ST8SIA4: variants seen among roughly 807,000 people sequenced by gnomAD.
ST8SIA4 encodes the protein CMP-N-acetylneuraminate-poly-alpha-2,8-sialyltransferase.
Under a neutral mutation model 33.9 loss-of-function variants are expected in ST8SIA4, and 15 were observed. That is an observed-to-expected ratio of 0.44 (90% CI 0.30 to 0.68). The LOEUF (loss-of-function observed/expected upper bound fraction) is 0.68, where lower values mean the gene tolerates loss of function less well. Ranked by LOEUF, ST8SIA4 falls within the 30% of genes least tolerant of loss-of-function variation. The pLI, the probability that ST8SIA4 is intolerant of heterozygous loss-of-function variation, is 0.10. For synonymous variants in ST8SIA4, 171 were observed against 151.2 expected, an observed-to-expected ratio of 1.13 and a Z score of -0.96; for missense variants, 321 against 428.0, an observed-to-expected ratio of 0.75 and a Z score of 2.21.
At chr5:100,826,125 C>T (rs1751138244) in intron 4 of ST8SIA4, among the ~76,000 whole-genome samples, 3 of 7,216 alleles carry the variant, frequency 4.2e-4, no homozygotes, top group African/African-American at 6.3e-4. Context: ...TTTGGAGCAA[C>T]TTAATTTTTT....
chr5:100,900,218 T>G, intron 1 of ST8SIA4: 1 of 344,396 alleles, frequency 2.9e-6, no homozygotes. Context: ...GGGGTAGTGA[T>G]GCAAGATTCA....
rs1411101414 is a variant in ST8SIA4, at chr5:100,809,461, A to AAAAG, written c.*2385_*2386insCTTT. The AAAAG allele has an allele frequency of 2.6e-5, 4 of 151,826 alleles. No individual in the cohort carries two copies. The highest frequency in any genetic ancestry group is 4.8e-5 in the African/African-American group (2 of 41,332). The allele number at this position is 151,826 out of a possible 1,614,324, so 9.4% of individuals were successfully genotyped here. A position where few individuals can be genotyped will look rare whatever the true frequency, so the allele number is the denominator to read the frequency against. ...TGAGACTCCATCTCAAAAAAAAAAAAAAAAGAAAAAAGAAAAAGGAAGAAA... is the reference window on the plus strand; with the variant it reads ...TGAGACTCCATCTCAAAAAAAAAAAAAAAGAAAAGAAAAAAGAAAAAGGAAGAAA... On this transcript the variant is annotated 3_prime_UTR_variant, in exon 5 of 5. Coordinates refer to ENST00000231461, the MANE Select transcript of ST8SIA4 (RefSeq NM_005668.6).
chr5:100,836,891 A>T (rs32479), intron 4 of ST8SIA4, among the ~76,000 whole-genome samples: 1 of 151,682 alleles, frequency 6.6e-6, no homozygotes, highest in African/African-American at 2.4e-5. Flanking sequence ...TTGGAGACTT[A>T]CTTTCCAATT....
chr5:100,818,522 C>T (rs555732784), intron 4 of ST8SIA4, among the ~76,000 whole-genome samples: 1 of 152,170 alleles, frequency 6.6e-6, no homozygotes, highest in African/African-American at 2.4e-5. Flanking sequence ...GACATTGTAC[C>T]AAAGGGTATG....
chr5:100,855,330 A>T (rs1751791157), intron 4 of ST8SIA4, among the ~76,000 whole-genome samples: 1 of 152,174 alleles, frequency 6.6e-6, no homozygotes, highest in Non-Finnish European at 1.5e-5. Context: ...CTATTAGGCC[A>T]CTAGTGAATT....
intron 4 of ST8SIA4, among the ~76,000 whole-genome samples, chr5:100,820,907 CAG>C (rs1751019888): frequency 6.6e-6 from 1 of 152,004 alleles, no homozygotes; most frequent in Admixed American, 6.5e-5. Context: ...AAATATGAAA[CAG>C]ATGTCAAACC....
intron 4 of ST8SIA4, chr5:100,816,480 AAGT>A (rs1750920215): frequency 1.9e-6 from 1 of 518,980 alleles, no homozygotes; most frequent in African/African-American, 2.0e-5. Context: ...AAAAGTTTAG[AAGT>A]ATTACATTGG....
chr5:100,878,722 A>G (rs932093026), intron 3 of ST8SIA4, among the ~76,000 whole-genome samples: 1 of 152,226 alleles, frequency 6.6e-6, no homozygotes, highest in Non-Finnish European at 1.5e-5. Flanking sequence ...CAATTTCATA[A>G]TAAAATGATA....
intron 3 of ST8SIA4, among the ~76,000 whole-genome samples, chr5:100,864,305 TG>T (rs1752012351): frequency 6.6e-6 from 1 of 152,100 alleles, no homozygotes; most frequent in South Asian, 2.1e-4. Context: ...CCGGGTGCGG[TG>T]GCTCACGCCT....
At chr5:100,844,979 C>A (rs1312597131) in intron 4 of ST8SIA4, among the ~76,000 whole-genome samples, 1 of 152,086 alleles carries the variant, frequency 6.6e-6, no homozygotes, top group Non-Finnish European at 1.5e-5. Context: ...GTATCAGTAT[C>A]TTGTTTCCTA....
At chr5:100,847,448 A>G (rs982724843) in intron 4 of ST8SIA4, among the ~76,000 whole-genome samples, 2 of 152,072 alleles carry the variant, frequency 1.3e-5, no homozygotes. Context: ...TGACATTCAC[A>G]TGAAGTTATC....
At chr5:100,849,037 A>T in intron 4 of ST8SIA4, 4 of 771,636 alleles carry the variant, frequency 5.2e-6, no homozygotes, top group Non-Finnish European at 6.3e-6. Context: ...AAATATCAAG[A>T]GAAAATGACT....
intron 4 of ST8SIA4, among the ~76,000 whole-genome samples, chr5:100,853,716 A>C (rs1174914113): frequency 6.6e-6 from 1 of 152,180 alleles, no homozygotes; most frequent in Non-Finnish European, 1.5e-5. Context: ...AATATCTGTA[A>C]AAACCCATGT....
intron 4 of ST8SIA4, among the ~76,000 whole-genome samples, chr5:100,813,675 G>T (rs2112394998): frequency 6.6e-6 from 1 of 152,098 alleles, no homozygotes; most frequent in Middle Eastern, 3.4e-3. Context: ...CTATGATGTG[G>T]CCTGAAGCTC....
chr5:100,841,623 T>A (rs1431332428), intron 4 of ST8SIA4, among the ~76,000 whole-genome samples: 1 of 151,902 alleles, frequency 6.6e-6, no homozygotes, highest in Non-Finnish European at 1.5e-5. Context: ...ACTGCTTTTG[T>A]TGCTTCATTC....
At position 100,854,130 on chromosome 5, in the gene ST8SIA4, AT is replaced by A. The variant is rs560412349; in HGVS notation, c.797+1972del. ...AATGTTACAGTTTCTTAAGATGCAC[AT>A]TTTTTTAAGAGTCAAATTGTAATTA... is the stretch of plus-strand genomic sequence containing the variant. On this transcript the variant is annotated intron_variant, in intron 4 of 4. Coordinates refer to ENST00000231461, the MANE Select transcript of ST8SIA4 (RefSeq NM_005668.6). 1.4e-4 allele frequency among the ~76,000 whole-genome samples: 21 copies of A among 152,098 alleles called. No homozygotes were observed. In the South Asian group the frequency reaches 3.3e-3, roughly 24 times the overall value.
chr5:100,812,839 A>C (rs1160475706), intron 4 of ST8SIA4, among the ~76,000 whole-genome samples: 1 of 152,180 alleles, frequency 6.6e-6, no homozygotes, highest in Middle Eastern at 3.2e-3. Context: ...CTGCTGTCAA[A>C]CATTGGTGTG....
intron 4 of ST8SIA4, among the ~76,000 whole-genome samples, chr5:100,854,295 C>T (rs1030057039): frequency 6.6e-6 from 1 of 151,460 alleles, no homozygotes; most frequent in Non-Finnish European, 1.5e-5. Context: ...TATAAGAATG[C>T]AATTTAGGCC....
chr5:100,832,825 GC>G, intron 4 of ST8SIA4, among the ~76,000 whole-genome samples: 1 of 151,930 alleles, frequency 6.6e-6, no homozygotes. Context: ...TATTGCTTTT[GC>G]TCCTCTTTCC....
Sources: gnomAD v4.1 joint callset for allele counts (sites outside exome capture counted in the v4.1 genomes callset) on GRCh38, gnomAD v4.1.1 for gene constraint, MANE v1.5 for transcripts, NCBI Gene and HGNC (gene_info 2026-07-23, HGNC 2026-07-21) for gene names.